Variants in CAMK2D observed in about 807,000 individuals in gnomAD.
CAMK2D encodes calcium/calmodulin-dependent protein kinase type II subunit delta.
A neutral mutation model predicts 84.0 loss-of-function variants in CAMK2D; 37 were observed. The ratio of observed to expected loss-of-function variants is 0.44; its 90% CI spans 0.34 to 0.58. CAMK2D has a LOEUF of 0.58. Among genes scored for constraint, CAMK2D ranks in the 20% least tolerant of loss-of-function variants. The pLI is 0.02. For synonymous variants in CAMK2D, 202 were observed against 212.5 expected, an observed-to-expected ratio of 0.95 and a Z score of 0.43; for missense variants, 448 against 652.5, an observed-to-expected ratio of 0.69 and a Z score of 3.41.
At chr4:113,525,805 A>G (rs2098412694) in intron 8 of CAMK2D, among the ~76,000 whole-genome samples, 1 of 152,092 alleles carries the variant, frequency 6.6e-6, no homozygotes, top group African/African-American at 2.4e-5. Flanking sequence ...GAGTAGTGTA[A>G]TTTTTTACCA....
intron 12 of CAMK2D, among the ~76,000 whole-genome samples, chr4:113,512,966 C>T (rs2098236139): frequency 6.6e-6 from 1 of 152,128 alleles, no homozygotes; most frequent in Non-Finnish European, 1.5e-5. Flanking sequence ...TATGAAATAT[C>T]AGTAATAAAT....
At chr4:113,563,149 G>A (rs1216278903) in intron 4 of CAMK2D, among the ~76,000 whole-genome samples, 1 of 152,084 alleles carries the variant, frequency 6.6e-6, no homozygotes, top group African/African-American at 2.4e-5. Flanking sequence ...AGCTGCTCAG[G>A]AGGCTGAGGC....
chr4:113,684,489 A>C (rs2099354052), intron 2 of CAMK2D, among the ~76,000 whole-genome samples: 1 of 152,220 alleles, frequency 6.6e-6, no homozygotes. Flanking sequence ...GTAAGTTGGA[A>C]GGTAAATGAC....
chr4:113,457,987 T>C lies in CAMK2D; in HGVS notation c.1307-424A>G, dbSNP rs575865801. ...CTGACCAGGGATCTTGTGGTGGTGG[T>C]TGTTTTTGTTAGTTGGTGAAGTATG... On this transcript the variant is annotated intron_variant, in intron 18 of 20. Coordinates refer to ENST00000511664, the MANE Select transcript of CAMK2D (RefSeq NM_001321571.2). Among the ~76,000 whole-genome samples the C allele has an allele frequency of 1.6e-3, 249 of 152,258 alleles. 2 individuals are homozygous for C. Among genetic ancestry groups the C allele is most frequent in the African/African-American group, 5.9e-3 (243 of 41,524 alleles).
intron 16 of CAMK2D, among the ~76,000 whole-genome samples, chr4:113,477,173 G>A (rs2097638879): frequency 6.6e-6 from 1 of 152,160 alleles, no homozygotes; most frequent in Non-Finnish European, 1.5e-5. Flanking sequence ...GTACCCATGT[G>A]AATGCCTATA....
chr4:113,758,457 C>T lies in CAMK2D; in HGVS notation c.160+863G>A, dbSNP rs114309246. ...AGGAAAACTAAACCTAATGGAATTT[C>T]TTCTCTCATTACTTAAAATAAACCA... On this transcript the variant is annotated intron_variant, in intron 2 of 20. Coordinates refer to ENST00000511664, the MANE Select transcript of CAMK2D (RefSeq NM_001321571.2). Among the ~76,000 whole-genome samples the T allele has an allele frequency of 6.4e-3, 970 of 152,232 alleles. 6 individuals are homozygous for T. Among genetic ancestry groups the T allele is most frequent in the Non-Finnish European group, 9.5e-3 (649 of 67,978 alleles).
At chr4:113,643,068 ACTAT>A (rs1359409164) in intron 3 of CAMK2D, among the ~76,000 whole-genome samples, 1 of 152,242 alleles carries the variant, frequency 6.6e-6, no homozygotes, top group African/African-American at 2.4e-5. Flanking sequence ...AAGAGCAGAA[ACTAT>A]CTGTGTCCTA....
intron 2 of CAMK2D, among the ~76,000 whole-genome samples, chr4:113,727,361 T>G (rs1382839169): frequency 1.3e-5 from 2 of 152,118 alleles, no homozygotes; most frequent in South Asian, 4.1e-4. Context: ...ATATACAAAT[T>G]TATCAGTACA....
chr4:113,459,152 A>C (rs2097340240), intron 18 of CAMK2D, among the ~76,000 whole-genome samples: 1 of 151,706 alleles, frequency 6.6e-6, no homozygotes, highest in Non-Finnish European at 1.5e-5. Context: ...GCTTGAAAGC[A>C]CTCTTCTATG....
intron 3 of CAMK2D, among the ~76,000 whole-genome samples, chr4:113,617,387 A>G (rs963612925): frequency 7.2e-5 from 11 of 151,734 alleles, no homozygotes; most frequent in Non-Finnish European, 1.2e-4. Context: ...CGCTTGAACC[A>G]GGGCAGCGGA....
At chr4:113,510,849 C>T (rs912921172) in intron 12 of CAMK2D, among the ~76,000 whole-genome samples, 7 of 141,562 alleles carry the variant, frequency 4.9e-5, no homozygotes, top group Non-Finnish European at 1.1e-4. Context: ...ATGTTAACTT[C>T]ATTAATCTTT....
intron 9 of CAMK2D, among the ~76,000 whole-genome samples, chr4:113,515,884 T>A (rs1386950821): frequency 6.6e-6 from 1 of 152,238 alleles, no homozygotes; most frequent in East Asian, 1.9e-4. Context: ...CTTTTTTATA[T>A]TAAGACTATA....
At chr4:113,577,105 A>C (rs977070152) in intron 4 of CAMK2D, among the ~76,000 whole-genome samples, 2 of 152,042 alleles carry the variant, frequency 1.3e-5, no homozygotes, top group African/African-American at 4.8e-5. Context: ...GAGTCCAATG[A>C]ATTCTTTACT....
At chr4:113,627,353 T>C (rs2099072350) in intron 3 of CAMK2D, among the ~76,000 whole-genome samples, 1 of 152,180 alleles carries the variant, frequency 6.6e-6, no homozygotes, top group Non-Finnish European at 1.5e-5. Context: ...TTATGTTCTA[T>C]AAAATCATCA....
Position 113,716,327 on chromosome 4 carries a change from T to A in CAMK2D, c.160+42993A>T, listed in dbSNP as rs2099513246. Among the ~76,000 whole-genome samples, 3 of 152,228 alleles carry A rather than the reference T, an allele frequency of 2.0e-5. No individual in the cohort carries two copies. In the South Asian group the frequency reaches 6.2e-4, roughly 32 times the overall value. On this transcript the variant is annotated intron_variant, in intron 2 of 20. Coordinates refer to ENST00000511664, the MANE Select transcript of CAMK2D (RefSeq NM_001321571.2). ...AAGTAGTCTGTTACTTGATTGACATTTTCTTGTCAGTTGATGAATCTTGAA... is the reference window on the plus strand; with the variant it reads ...AAGTAGTCTGTTACTTGATTGACATATTCTTGTCAGTTGATGAATCTTGAA...
At chr4:113,650,010 C>T (rs183419037) in intron 3 of CAMK2D, among the ~76,000 whole-genome samples, 4 of 151,410 alleles carry the variant, frequency 2.6e-5, no homozygotes, top group African/African-American at 9.7e-5. Context: ...TGAATGAACC[C>T]AGGAGGCAGA....
chr4:113,481,021 T>C (rs1001671549), intron 16 of CAMK2D, among the ~76,000 whole-genome samples: 3 of 152,190 alleles, frequency 2.0e-5, no homozygotes, highest in African/African-American at 7.2e-5. Context: ...ATTTCTACTA[T>C]TTATAAATTA....
intron 16 of CAMK2D, among the ~76,000 whole-genome samples, chr4:113,483,164 A>G (rs1280245676): frequency 6.6e-6 from 1 of 152,232 alleles, no homozygotes; most frequent in Non-Finnish European, 1.5e-5. Context: ...AGCAGATATA[A>G]TTTCATTGAA....
intron 8 of CAMK2D, among the ~76,000 whole-genome samples, chr4:113,525,144 GA>G (rs1188319687): frequency 6.6e-6 from 1 of 152,112 alleles, no homozygotes; most frequent in African/African-American, 2.4e-5. Flanking sequence ...AAGAAAAGAA[GA>G]AACATATTCC....
Sources: gnomAD v4.1 joint callset for allele counts (sites outside exome capture counted in the v4.1 genomes callset) on GRCh38, gnomAD v4.1.1 for gene constraint, MANE v1.5 for transcripts, NCBI Gene and HGNC (gene_info 2026-07-23, HGNC 2026-07-21) for gene names.